The following CPQ variants were observed in gnomAD, a reference collection of about 807,000 sequenced individuals.
The protein encoded by CPQ is Ser-Met dipeptidase.
CPQ carries 37 observed loss-of-function variants against 45.7 expected under a neutral mutation model. The observed-to-expected ratio is 0.81, with a 90% confidence interval of 0.62 to 1.07. The LOEUF (loss-of-function observed/expected upper bound fraction) is 1.07, where lower values mean the gene tolerates loss of function less well. Ranked by LOEUF, CPQ falls within the 50% of genes least tolerant of loss-of-function variation. The pLI is 0.00. For synonymous variants in CPQ, 186 were observed against 205.8 expected, an observed-to-expected ratio of 0.90 and a Z score of 0.82; for missense variants, 537 against 572.9, an observed-to-expected ratio of 0.94 and a Z score of 0.64.
intron 1 of CPQ, among the ~76,000 whole-genome samples, chr8:96,703,247 G>A (rs533866151): frequency 6.6e-6 from 1 of 152,210 alleles, no homozygotes; most frequent in East Asian, 1.9e-4. Flanking sequence ...TTTTGGCAAA[G>A]ATTATAATAA....
At chr8:97,122,754 G>A (rs918614314) in intron 7 of CPQ, among the ~76,000 whole-genome samples, 27 of 150,816 alleles carry the variant, frequency 1.8e-4, no homozygotes, top group East Asian at 9.7e-4. Flanking sequence ...ACATGGTGGC[G>A]TGCACCTGTA....
At chr8:96,778,599 T>G (rs1486262179) in intron 1 of CPQ, among the ~76,000 whole-genome samples, 1 of 152,218 alleles carries the variant, frequency 6.6e-6, no homozygotes, top group Non-Finnish European at 1.5e-5. Context: ...AGAATATCTT[T>G]TAAATTAACC....
intron 1 of CPQ, among the ~76,000 whole-genome samples, chr8:96,683,909 T>G (rs1475581268): frequency 1.3e-5 from 2 of 152,166 alleles, no homozygotes; most frequent in African/African-American, 2.4e-5. Context: ...TTTGGATATC[T>G]GTCTCTGGTA....
At chr8:96,984,262 G>A (rs1456259922) in intron 5 of CPQ, among the ~76,000 whole-genome samples, 3 of 152,122 alleles carry the variant, frequency 2.0e-5, no homozygotes, top group African/African-American at 7.2e-5. Context: ...ACTGTCCCCA[G>A]ATTTGTTATA....
At chr8:96,753,091 T>C (rs1393809958) in intron 1 of CPQ, among the ~76,000 whole-genome samples, 2 of 152,188 alleles carry the variant, frequency 1.3e-5, no homozygotes, top group Non-Finnish European at 2.9e-5. Flanking sequence ...TGATGTGAAG[T>C]GAGACCACAA....
chr8:96,810,210 A>T (rs1265531419), intron 2 of CPQ, among the ~76,000 whole-genome samples: 1 of 152,142 alleles, frequency 6.6e-6, no homozygotes, highest in Non-Finnish European at 1.5e-5. Flanking sequence ...CTTTGTCAGT[A>T]TACTCACCAG....
At chr8:96,956,999 C>A (rs139740844) in intron 4 of CPQ, among the ~76,000 whole-genome samples, 1 of 152,208 alleles carries the variant, frequency 6.6e-6, no homozygotes, top group Non-Finnish European at 1.5e-5. Flanking sequence ...CTGCAGCTTG[C>A]GCTGATTTTT....
intron 1 of CPQ, among the ~76,000 whole-genome samples, chr8:96,659,614 G>T (rs1394587066): frequency 6.6e-6 from 1 of 151,928 alleles, no homozygotes; most frequent in Non-Finnish European, 1.5e-5. Flanking sequence ...CCATTATCTG[G>T]TTTTCACTTC....
At chr8:96,843,404 A>AGAAG (rs564065248) in intron 3 of CPQ, among the ~76,000 whole-genome samples, 2 of 152,282 alleles carry the variant, frequency 1.3e-5, no homozygotes, top group African/African-American at 2.4e-5. Flanking sequence ...GAAAGAAAGA[A>AGAAG]GAAGGAAGGA....
Position 96,744,547 on chromosome 8 carries a change from A to G in CPQ, c.-34-40317A>G, listed in dbSNP as rs542239673. Reference sequence around the variant, plus strand: ...ATTGTTATATCTTCTTGATGAATTGAGATTTTTATGTAGTCATCTTTTTTT... The same window carrying G: ...ATTGTTATATCTTCTTGATGAATTGGGATTTTTATGTAGTCATCTTTTTTT... On this transcript the variant is annotated intron_variant, in intron 1 of 7. Transcript: ENST00000220763. Among the ~76,000 whole-genome samples, 3 of 152,278 alleles carry G rather than the reference A, an allele frequency of 2.0e-5. No homozygotes were observed. The South Asian group carries it at 6.2e-4, about 32-fold the overall frequency.
intron 1 of CPQ, among the ~76,000 whole-genome samples, chr8:96,767,703 G>GTGCGATATCAGCTCACTGC (rs1380622962): frequency 6.1e-5 from 8 of 131,408 alleles, no homozygotes; most frequent in African/African-American, 2.1e-4. Context: ...GAGTGCAATG[G>GTGCGATATCAGCTCACTGC]TGCGATATCA....
chr8:97,112,942 C>G (rs369533411), intron 7 of CPQ, among the ~76,000 whole-genome samples: 1 of 152,180 alleles, frequency 6.6e-6, no homozygotes. Context: ...GAAGCCATTT[C>G]GGGGATAGTT....
rs539970833 is a variant in CPQ at position 96,646,004 on chromosome 8, T to C, written c.-35+602T>C. Among the ~76,000 whole-genome samples the C allele has an allele frequency of 2.5e-3, 368 of 148,566 alleles. 1 individual carries two copies. The highest frequency in any genetic ancestry group is 8.9e-3 in the African/African-American group (356 of 40,054). ...CCGTAGAACTGAGTGAATTAACAAA[T>C]GAGTAAGTGAATAAATGAGTGCATA... is the stretch of plus-strand genomic sequence containing the variant. On this transcript the variant is annotated intron_variant, in intron 1 of 7. Coordinates refer to ENST00000220763, the MANE Select transcript of CPQ (RefSeq NM_016134.4).
At chr8:96,876,118 C>T (rs1231113065) in intron 3 of CPQ, among the ~76,000 whole-genome samples, 3 of 151,882 alleles carry the variant, frequency 2.0e-5, no homozygotes, top group East Asian at 1.9e-4. Flanking sequence ...GCTTTTGCAT[C>T]GTTCATTGCT....
intron 4 of CPQ, among the ~76,000 whole-genome samples, chr8:96,899,985 G>A (rs1812494609): frequency 6.6e-6 from 1 of 152,086 alleles, no homozygotes; most frequent in Non-Finnish European, 1.5e-5. Flanking sequence ...GTCTTTGATG[G>A]TCCTTTTGTT....
chr8:96,895,020 C>A (rs1003100344), intron 4 of CPQ, among the ~76,000 whole-genome samples: 7 of 152,202 alleles, frequency 4.6e-5, no homozygotes, highest in Non-Finnish European at 1.0e-4. Context: ...ATACCTCACT[C>A]ATTGACTGAC....
At chr8:97,063,521 C>T (rs901161526) in intron 6 of CPQ, among the ~76,000 whole-genome samples, 4 of 152,052 alleles carry the variant, frequency 2.6e-5, no homozygotes, top group African/African-American at 9.7e-5. Context: ...TTGCTTTTGG[C>T]ATCTTTGTCA....
At chr8:96,754,571 A>G (rs1810308046) in intron 1 of CPQ, among the ~76,000 whole-genome samples, 1 of 152,026 alleles carries the variant, frequency 6.6e-6, no homozygotes. Flanking sequence ...AGTTTTGCAA[A>G]TTATCCCTTA....
At chr8:96,983,223 TTTTG>T (rs1200948033) in intron 5 of CPQ, among the ~76,000 whole-genome samples, 1 of 152,224 alleles carries the variant, frequency 6.6e-6, no homozygotes, top group African/African-American at 2.4e-5. Context: ...AGGTTTATCC[TTTTG>T]TTTATTTCTT....
Sources: allele counts gnomAD v4.1 joint callset (sites outside exome capture counted in the v4.1 genomes callset), GRCh38; gene constraint gnomAD v4.1.1; transcripts MANE v1.5; gene names NCBI Gene and HGNC (gene_info 2026-07-23, HGNC 2026-07-21).